DDHD1: variants seen among roughly 807,000 people sequenced by gnomAD.
DDHD1 encodes DDHD domain containing 1.
DDHD1 carries 49 observed loss-of-function variants against 96.4 expected under a neutral mutation model. The ratio of observed to expected loss-of-function variants is 0.51; its 90% confidence interval spans 0.40 to 0.64. The LOEUF (loss-of-function observed/expected upper bound fraction) is 0.64. DDHD1 is among the 30% of genes least tolerant of loss of function. The probability of loss-of-function intolerance (pLI) is 0.00; values close to 1 mark genes in which losing one functional copy is unlikely to be tolerated. For synonymous variants in DDHD1, 442 were observed against 446.5 expected (o/e 0.99, Z 0.13); for missense variants, 1,106 against 1,161.2 (o/e 0.95, Z 0.69).
intron 1 of DDHD1, among the ~76,000 whole-genome samples, chr14:53,128,369 G>A (rs1002660306): frequency 7.2e-5 from 11 of 152,166 alleles, no homozygotes; most frequent in Non-Finnish European, 1.2e-4. Context: ...AGACTGCCAA[G>A]TCTAAGATCA....
intron 2 of DDHD1, chr14:53,093,695 T>C: frequency 2.5e-6 from 1 of 406,910 alleles, no homozygotes; most frequent in Non-Finnish European, 4.4e-6. Flanking sequence ...TACTTAACTA[T>C]CATAATTTTA....
In DDHD1 at chr14:53,073,918, G is replaced by C. The variant is rs143019444; in HGVS notation, c.1290-71C>G. Reference sequence around the variant, plus strand: ...TAACTTCACATATAAATTTATATGAGATAAAATGTGTTTAATCATAACACT... The same window carrying C: ...TAACTTCACATATAAATTTATATGACATAAAATGTGTTTAATCATAACACT... On this transcript the variant is annotated intron_variant, in intron 4 of 12. Transcript: ENST00000673822. The C allele has an allele frequency of 1.4e-3, 1,941 of 1,356,924 alleles. 34 individuals are homozygous for C. Among genetic ancestry groups the C allele is most frequent in the Admixed American group, 1.3e-4 (7 of 52,092 alleles). 84.1% of individuals were successfully genotyped at this position (1,356,924 alleles called of 1,614,324 possible).
Position 53,039,074 on chromosome 14 carries a change from T to C in DDHD1, c.*7694A>G, listed in dbSNP as rs1417227944. Reference sequence around the variant, plus strand: ...CAAATGATTATTAATTTGAACTCTTTTGGATCCAAGAGACAGAGACCCACC... The same window carrying C: ...CAAATGATTATTAATTTGAACTCTTCTGGATCCAAGAGACAGAGACCCACC... On this transcript the variant is annotated 3_prime_UTR_variant, in exon 13 of 13. Coordinates refer to ENST00000673822, the MANE Select transcript of DDHD1 (RefSeq NM_001160148.2). The C allele has an allele frequency of 1.3e-5, 2 of 152,214 alleles. No homozygotes were observed. The highest frequency in any genetic ancestry group is 1.9e-4 in the East Asian group (1 of 5,206). The allele number at this position is 152,214 out of a possible 1,614,324, so 9.4% of individuals were successfully genotyped here. A position where few individuals can be genotyped will look rare whatever the true frequency, so the allele number is the denominator to read the frequency against.
At chr14:53,138,165 G>A (rs916798598) in intron 1 of DDHD1, among the ~76,000 whole-genome samples, 4 of 152,236 alleles carry the variant, frequency 2.6e-5, no homozygotes, top group Admixed American at 2.6e-4. Flanking sequence ...AGGACTTTCA[G>A]AGGCCGAGGT....
At chr14:53,097,154 T>C (rs1886951219) in intron 2 of DDHD1, among the ~76,000 whole-genome samples, 1 of 152,002 alleles carries the variant, frequency 6.6e-6, no homozygotes, top group African/African-American at 2.4e-5. Context: ...TACATTTGAT[T>C]TTCATCCTCA....
intron 12 of DDHD1, among the ~76,000 whole-genome samples, chr14:53,049,861 C>G (rs1882383789): frequency 6.6e-6 from 1 of 152,034 alleles, no homozygotes; most frequent in South Asian, 2.1e-4. Context: ...GGATTATTTT[C>G]TTTCTGGGGT....
intron 1 of DDHD1, among the ~76,000 whole-genome samples, chr14:53,124,466 T>C (rs1595223893): frequency 6.6e-6 from 1 of 152,146 alleles, no homozygotes; most frequent in Admixed American, 6.5e-5. Context: ...AGTTGGATAG[T>C]AGTTAGCAAT....
intron 1 of DDHD1, among the ~76,000 whole-genome samples, chr14:53,146,877 T>C (rs1181447192): frequency 6.6e-6 from 1 of 152,102 alleles, no homozygotes; most frequent in Non-Finnish European, 1.5e-5. Flanking sequence ...TTAGAGTGTA[T>C]TGTGGAAAAA....
intron 2 of DDHD1, among the ~76,000 whole-genome samples, chr14:53,098,557 T>C (rs1224654716): frequency 1.3e-5 from 2 of 151,964 alleles, no homozygotes; most frequent in African/African-American, 4.8e-5. Flanking sequence ...CAATCTTTCT[T>C]GGACCTCAGA....
intron 1 of DDHD1, among the ~76,000 whole-genome samples, chr14:53,135,700 A>G (rs1890183242): frequency 6.6e-6 from 1 of 152,270 alleles, no homozygotes; most frequent in Non-Finnish European, 1.5e-5. Flanking sequence ...ACAGACGGTC[A>G]AGAATGAAGA....
intron 1 of DDHD1, among the ~76,000 whole-genome samples, chr14:53,106,965 A>G (rs1369322089): frequency 6.6e-6 from 1 of 152,160 alleles, no homozygotes; most frequent in East Asian, 1.9e-4. Context: ...TTGAATTTAA[A>G]CTACTTTTTA....
intron 6 of DDHD1, among the ~76,000 whole-genome samples, chr14:53,066,541 G>A (rs1294990406): frequency 1.3e-5 from 2 of 152,080 alleles, no homozygotes; most frequent in East Asian, 1.9e-4. Flanking sequence ...TCATTCACCA[G>A]GCATGTGACT....
chr14:53,084,887 C>T (rs1397074953), intron 4 of DDHD1, among the ~76,000 whole-genome samples: 2 of 152,164 alleles, frequency 1.3e-5, no homozygotes, highest in African/African-American at 4.8e-5. Flanking sequence ...GAAGCCGTGA[C>T]AGACTGTAAT....
intron 1 of DDHD1, among the ~76,000 whole-genome samples, chr14:53,141,385 C>T (rs569923983): frequency 2.6e-5 from 4 of 152,260 alleles, no homozygotes; most frequent in South Asian, 2.1e-4. Context: ...GGTTTATGAA[C>T]TAACAGAATT....
chr14:53,116,309 G>A (rs1054122393), intron 1 of DDHD1, among the ~76,000 whole-genome samples: 158 of 152,084 alleles, frequency 1.0e-3, no homozygotes, highest in Non-Finnish European at 9.1e-4. Flanking sequence ...AATATTAGAC[G>A]GATCAATGAG....
rs547880138 is a variant in DDHD1, at chr14:53,086,027, G to C, written c.1289+5758C>G. On this transcript the variant is annotated intron_variant, in intron 4 of 12. Transcript: ENST00000673822. ...ATGCACAAGCTTCGGTAGCTGATTT[G>C]ATCAAGGGGAAGAAAGGTTATCAGT... Among the ~76,000 whole-genome samples, 39 of 152,308 alleles carry C rather than the reference G, an allele frequency of 2.6e-4. 2 individuals are homozygous for C. The South Asian group carries it at 8.1e-3, about 32-fold the overall frequency.
Position 53,091,798 on chromosome 14 carries a change from T to G in DDHD1, c.1276A>C (p.Lys426Gln). Reference sequence around the variant, plus strand: ...CAAAGAACTTACATAGCTGTATTTTTGATAATTCTTCCTTGGTCCATTTTC... The same window carrying G: ...CAAAGAACTTACATAGCTGTATTTTGGATAATTCTTCCTTGGTCCATTTTC... ...GQKMDQGRII[K>Q]NTAMMREAAR... The change falls in exon 4 of 13, where the codon AAA becomes CAA. Residue 426 changes from lysine (K) to glutamine (Q), a missense_variant. Physicochemically the swap from Lys to Gln is moderately conservative, Grantham distance 53. Around this residue, in one of 2 missense-constraint regions of DDHD1, gnomAD observed 650 missense variants for 758.8 expected, o/e 0.86. Coordinates refer to ENST00000673822, the MANE Select transcript of DDHD1 (RefSeq NM_001160148.2). 1 of 1,613,048 alleles carries G rather than the reference T, an allele frequency of 6.2e-7. No individual in the cohort carries two copies. Among genetic ancestry groups the G allele is most frequent in the Non-Finnish European group, 8.5e-7 (1 of 1,179,590 alleles).
At chr14:53,125,699 T>C (rs908080810) in intron 1 of DDHD1, among the ~76,000 whole-genome samples, 13 of 151,242 alleles carry the variant, frequency 8.6e-5, no homozygotes, top group African/African-American at 2.2e-4. Flanking sequence ...AATTAAAAGA[T>C]GGATTTTTTT....
At chr14:53,125,560 T>C (rs1889363212) in intron 1 of DDHD1, among the ~76,000 whole-genome samples, 1 of 152,226 alleles carries the variant, frequency 6.6e-6, no homozygotes, top group Non-Finnish European at 1.5e-5. Context: ...ATTAACATAG[T>C]TGAAACTTTT....
Sources: gnomAD v4.1 joint callset for allele counts (sites outside exome capture counted in the v4.1 genomes callset) on GRCh38, gnomAD v4.1.1 for gene constraint, gnomAD v4.1.1 regional missense constraint, MANE v1.5 for transcripts, NCBI Gene and HGNC (gene_info 2026-07-23, HGNC 2026-07-21) for gene names.